The following ADAMTSL3 variants were observed in gnomAD, a reference collection of about 807,000 sequenced individuals.
The protein encoded by ADAMTSL3 is ADAMTS-like protein 3.
Under a neutral mutation model 201.7 loss-of-function variants are expected in ADAMTSL3, and 128 were observed. The ratio of observed to expected loss-of-function variants is 0.63; its 90% CI spans 0.55 to 0.73. ADAMTSL3 has a LOEUF of 0.73. Ranked by LOEUF, ADAMTSL3 falls within the 30% of genes least tolerant of loss-of-function variation. ADAMTSL3 has a pLI of 0.00. For synonymous variants in ADAMTSL3, 738 were observed against 748.4 expected (o/e 0.99, Z 0.23); for missense variants, 1,990 against 2,119.6 (o/e 0.94, Z 1.20).
chr15:83,818,405 C>T (rs1437154803), intron 5 of ADAMTSL3, among the ~76,000 whole-genome samples: 1 of 152,182 alleles, frequency 6.6e-6, no homozygotes, highest in Non-Finnish European at 1.5e-5. Flanking sequence ...TGGCTCACTG[C>T]AGCCTCCACC....
At chr15:83,996,132 A>C (rs1234778239) in intron 23 of ADAMTSL3, among the ~76,000 whole-genome samples, 1 of 152,224 alleles carries the variant, frequency 6.6e-6, no homozygotes, top group Non-Finnish European at 1.5e-5. Context: ...TTTAAAAATC[A>C]TAAAATATAA....
At chr15:83,768,728 ATGGCCCAAG>A (rs2062930807) in intron 3 of ADAMTSL3, among the ~76,000 whole-genome samples, 1 of 152,230 alleles carries the variant, frequency 6.6e-6, no homozygotes, top group Non-Finnish European at 1.5e-5. Context: ...ATTTTCAGCA[ATGGCCCAAG>A]TGGCGCTTCA....
intron 17 of ADAMTSL3, among the ~76,000 whole-genome samples, chr15:83,931,107 C>A (rs1364072309): frequency 6.6e-6 from 1 of 152,134 alleles, no homozygotes; most frequent in Non-Finnish European, 1.5e-5. Context: ...ATGGAGTTTG[C>A]TTTTTCCAGG....
intron 6 of ADAMTSL3, among the ~76,000 whole-genome samples, chr15:83,836,810 A>G (rs2064278180): frequency 6.6e-6 from 1 of 152,120 alleles, no homozygotes; most frequent in South Asian, 2.1e-4. Flanking sequence ...TGAATTTTTC[A>G]ACATCCTGCA....
intron 5 of ADAMTSL3, among the ~76,000 whole-genome samples, chr15:83,811,427 G>C (rs1212338715): frequency 6.6e-6 from 1 of 152,172 alleles, no homozygotes; most frequent in Non-Finnish European, 1.5e-5. Flanking sequence ...TTCTCTGTGT[G>C]TGTATCACTC....
In ADAMTSL3 at chr15:83,717,055, T is replaced by C. The variant is rs1367649341; in HGVS notation, c.189+12547T>C. Reference sequence around the variant, plus strand: ...ATTGTAAATATACATTAAATAAAGCTATGCTCTATTTAAAAACCTAATTCT... The same window carrying C: ...ATTGTAAATATACATTAAATAAAGCCATGCTCTATTTAAAAACCTAATTCT... On this transcript the variant is annotated intron_variant, in intron 3 of 29. Transcript: ENST00000286744. Among the ~76,000 whole-genome samples, 6 of 152,318 alleles carry C rather than the reference T, an allele frequency of 3.9e-5. 1 individual carries two copies. In the South Asian group the frequency reaches 1.2e-3, roughly 32 times the overall value.
At chr15:83,853,306 T>A (rs892379381) in intron 7 of ADAMTSL3, among the ~76,000 whole-genome samples, 29 of 152,214 alleles carry the variant, frequency 1.9e-4, no homozygotes, top group African/African-American at 6.3e-4. Context: ...TCTTCTTGAT[T>A]TCCAATGTTT....
rs114277380 is a variant in ADAMTSL3, at chr15:83,699,119, C to T, written c.70-5270C>T. Among the ~76,000 whole-genome samples the T allele has an allele frequency of 8.4e-3, 1,280 of 152,052 alleles. 14 individuals carry two copies. Among genetic ancestry groups the T allele is most frequent in the African/African-American group, 0.027 (1,135 of 41,492 alleles). ...AAATATATGTAAATATACATACATA[C>T]ATACATACATTATGAAAATGTTAAG... On this transcript the variant is annotated intron_variant, in intron 2 of 29. Coordinates refer to ENST00000286744, the MANE Select transcript of ADAMTSL3 (RefSeq NM_207517.3).
At position 83,708,208 on chromosome 15, in the gene ADAMTSL3, T is replaced by C. The variant is rs546918405; in HGVS notation, c.189+3700T>C. ...GAGGCTGCAGCCTAGTTTCTAATGC[T>C]GTTGGGTCAGATGTGGGTTCACTAG... On this transcript the variant is annotated intron_variant, in intron 3 of 29. Coordinates refer to ENST00000286744, the MANE Select transcript of ADAMTSL3 (RefSeq NM_207517.3). Among the ~76,000 whole-genome samples the C allele has an allele frequency of 1.4e-4, 22 of 152,342 alleles. No individual in the cohort carries two copies. In the East Asian group the frequency reaches 4.2e-3, roughly 29 times the overall value.
At chr15:83,866,210 A>G (rs931403201) in intron 8 of ADAMTSL3, among the ~76,000 whole-genome samples, 1 of 152,262 alleles carries the variant, frequency 6.6e-6, no homozygotes, top group South Asian at 2.1e-4. Context: ...GTGATTCCTC[A>G]AGGATCTAGA....
chr15:84,031,273 T>G, intron 27 of ADAMTSL3, 62 bp from the exon 28 acceptor site: 3 of 1,515,890 alleles, frequency 2.0e-6, no homozygotes, highest in Non-Finnish European at 2.7e-6. Flanking sequence ...GTACATGATC[T>G]TAGTACACAC....
intron 25 of ADAMTSL3, among the ~76,000 whole-genome samples, chr15:84,016,797 G>T (rs1374854054): frequency 6.6e-6 from 1 of 152,090 alleles, no homozygotes; most frequent in East Asian, 1.9e-4. Flanking sequence ...TGCCAATTTG[G>T]TAAATATTAA....
intron 9 of ADAMTSL3, 102 bp from the exon 10 acceptor site, chr15:83,884,999 G>T: frequency 1.4e-6 from 1 of 701,372 alleles, no homozygotes; most frequent in South Asian, 1.9e-5. Context: ...TAATGGATGG[G>T]TGGTTGTCTA....
At chr15:83,803,383 C>T (rs1054769278) in intron 4 of ADAMTSL3, among the ~76,000 whole-genome samples, 7 of 152,072 alleles carry the variant, frequency 4.6e-5, no homozygotes, top group African/African-American at 1.7e-4. Context: ...ACCTCCTATC[C>T]ACTTTAAAAT....
At chr15:83,793,119 A>T (rs766837466) in intron 4 of ADAMTSL3, among the ~76,000 whole-genome samples, 2 of 152,216 alleles carry the variant, frequency 1.3e-5, no homozygotes, top group Admixed American at 6.5e-5. Flanking sequence ...ACTCATATGT[A>T]GACGCTAAAA....
chr15:83,882,632 T>C (rs2065298186), intron 9 of ADAMTSL3, among the ~76,000 whole-genome samples: 3 of 152,174 alleles, frequency 2.0e-5, no homozygotes, highest in African/African-American at 4.8e-5. Context: ...CATTGATTAA[T>C]GATTGGTCAT....
intron 7 of ADAMTSL3, among the ~76,000 whole-genome samples, chr15:83,858,312 G>T (rs1165652919): frequency 6.6e-6 from 1 of 152,168 alleles, no homozygotes; most frequent in Non-Finnish European, 1.5e-5. Context: ...ATTTAAGGGT[G>T]TATTTAAATG....
At chr15:83,878,981 A>T (rs1271828640) in intron 9 of ADAMTSL3, among the ~76,000 whole-genome samples, 1 of 151,818 alleles carries the variant, frequency 6.6e-6, no homozygotes, top group African/African-American at 2.4e-5. Flanking sequence ...AGATTTTCTT[A>T]TTTCTTATGT....
intron 19 of ADAMTSL3, among the ~76,000 whole-genome samples, chr15:83,969,872 A>G (rs1312029081): frequency 6.6e-6 from 1 of 152,246 alleles, no homozygotes; most frequent in East Asian, 1.9e-4. Flanking sequence ...AAGAAGGTAG[A>G]TCTTATGTGA....
Sources: allele counts gnomAD v4.1 joint callset (sites outside exome capture counted in the v4.1 genomes callset), GRCh38; gene constraint gnomAD v4.1.1; transcripts MANE v1.5; gene names NCBI Gene and HGNC (gene_info 2026-07-23, HGNC 2026-07-21).